PPP2R3A: variants seen among roughly 807,000 people sequenced by gnomAD.
PPP2R3A encodes serine/threonine-protein phosphatase 2A regulatory subunit B'' subunit alpha.
PPP2R3A carries 80 observed loss-of-function variants against 106.9 expected under a neutral mutation model. The ratio of observed to expected loss-of-function variants is 0.75; its 90% CI spans 0.62 to 0.90. The LOEUF (loss-of-function observed/expected upper bound fraction) is 0.90. PPP2R3A is among the 40% of genes least tolerant of loss of function. PPP2R3A has a pLI of 0.00. For missense variants in PPP2R3A, 1,386 were observed against 1,350.4 expected (o/e 1.03, Z -0.41); for synonymous variants, 483 against 468.3 (o/e 1.03, Z -0.41).
At chr3:136,055,776 A>G (rs1037186108) in intron 5 of PPP2R3A, 2 of 611,452 alleles carry the variant, frequency 3.3e-6, no homozygotes, top group Non-Finnish European at 5.9e-6. Flanking sequence ...TTTTTTAAAA[A>G]CAAATTGCAC....
At chr3:136,047,025 A>G (rs1247784115) in intron 4 of PPP2R3A, among the ~76,000 whole-genome samples, 2 of 152,264 alleles carry the variant, frequency 1.3e-5, no homozygotes, top group African/African-American at 4.8e-5. Context: ...CTTTGAATCA[A>G]TGCAGGCAGA....
At chr3:136,106,400 A>C in intron 13 of PPP2R3A, 78 bp downstream of exon 13, 1 of 1,252,506 alleles carries the variant, frequency 8.0e-7, no homozygotes, top group Non-Finnish European at 1.1e-6. Context: ...CCCTTACAAA[A>C]TCCTTTTCTG....
chr3:136,144,906 T>G, intron 13 of PPP2R3A, 137 bp from the exon 14 acceptor site: 3 of 843,472 alleles, frequency 3.6e-6, no homozygotes, highest in South Asian at 3.5e-5. Context: ...TTCACGGCAG[T>G]TGAGTTGCTC....
intron 5 of PPP2R3A, among the ~76,000 whole-genome samples, chr3:136,050,374 C>A (rs1935643334): frequency 6.6e-6 from 1 of 152,136 alleles, no homozygotes; most frequent in Admixed American, 6.5e-5. Context: ...CTTCGTTTAC[C>A]AGGTTGGCGG....
At chr3:135,984,856 A>T (rs915577002) in intron 1 of PPP2R3A, among the ~76,000 whole-genome samples, 2 of 152,086 alleles carry the variant, frequency 1.3e-5, no homozygotes, top group African/African-American at 4.8e-5. Context: ...CCTCACAATC[A>T]TGGCAGAAGG....
intron 1 of PPP2R3A, among the ~76,000 whole-genome samples, chr3:135,984,116 A>G (rs1042064036): frequency 1.3e-5 from 2 of 151,878 alleles, no homozygotes; most frequent in African/African-American, 4.8e-5. Context: ...TCCCCTTCTA[A>G]CTACCCTTCC....
chr3:136,073,132 T>A (rs1936487771), intron 6 of PPP2R3A, among the ~76,000 whole-genome samples: 1 of 152,074 alleles, frequency 6.6e-6, no homozygotes, highest in South Asian at 2.1e-4. Flanking sequence ...CACGCCCGGC[T>A]AATTTTTTGT....
At chr3:136,126,494 C>T (rs1413210412) in intron 13 of PPP2R3A, among the ~76,000 whole-genome samples, 1 of 152,234 alleles carries the variant, frequency 6.6e-6, no homozygotes, top group Non-Finnish European at 1.5e-5. Flanking sequence ...GAGCCCACCA[C>T]AGCTCAACAA....
chr3:136,014,322 A>G (rs1934198715), intron 2 of PPP2R3A, among the ~76,000 whole-genome samples: 1 of 152,038 alleles, frequency 6.6e-6, no homozygotes, highest in Non-Finnish European at 1.5e-5. Context: ...TTCCATATAA[A>G]TTTCAGGATT....
In PPP2R3A at chr3:136,002,315, A is replaced by G. The variant is rs1441430913; in HGVS notation, c.817A>G (p.Ser273Gly). 9 of 1,613,318 alleles carry G rather than the reference A, an allele frequency of 5.6e-6. No individual in the cohort carries two copies. Among genetic ancestry groups the G allele is most frequent in the Non-Finnish European group, 5.9e-6 (7 of 1,179,406 alleles). The change falls in exon 2 of 14, where the codon AGC becomes GGC. Residue 273 changes from serine (S) to glycine (G), a missense_variant. Physicochemically the swap from Ser to Gly is moderately conservative, Grantham distance 56. Transcript: ENST00000264977. ...SEGSGNDTIS[S>G]SETVYMNVMT... is the part of the protein sequence containing the mutation. ...AGGAAGTGGTAATGATACAATTTCT[A>G]GCTCTGAAACTGTCTATATGAATGT...
At chr3:136,103,543 T>G (rs1459063874) in intron 12 of PPP2R3A, among the ~76,000 whole-genome samples, 167 bp downstream of exon 12, 1 of 152,130 alleles carries the variant, frequency 6.6e-6, no homozygotes, top group African/African-American at 2.4e-5. Flanking sequence ...AGCACATGTC[T>G]CTCCACAGCC....
At chr3:136,106,686 C>T (rs1007668415) in intron 13 of PPP2R3A, 1 of 196,398 alleles carries the variant, frequency 5.1e-6, no homozygotes, top group Non-Finnish European at 1.0e-5. Flanking sequence ...CTTTGGGAGG[C>T]CGAGGCGGGT....
In PPP2R3A at chr3:136,118,931, G is replaced by T. The variant is rs138259551; in HGVS notation, c.3329+12609G>T. ...TTGCCAAGCCAATCCTAAGCAAAAA[G>T]AACAAAGCAGGAGGCATCATGCTAC... is the stretch of plus-strand genomic sequence containing the variant. On this transcript the variant is annotated intron_variant, in intron 13 of 13. Transcript: ENST00000264977. Among the ~76,000 whole-genome samples, 531 of 152,186 alleles carry T rather than the reference G, an allele frequency of 3.5e-3. 7 individuals are homozygous for T. In the East Asian group the frequency reaches 0.047, roughly 14 times the overall value.
At chr3:136,013,560 G>C (rs930405808) in intron 2 of PPP2R3A, among the ~76,000 whole-genome samples, 2 of 152,028 alleles carry the variant, frequency 1.3e-5, no homozygotes, top group African/African-American at 4.8e-5. Context: ...CAGGAGTAAG[G>C]TGGTATCGCA....
intron 2 of PPP2R3A, among the ~76,000 whole-genome samples, chr3:136,013,290 A>G (rs186541923): frequency 2.0e-5 from 3 of 151,956 alleles, no homozygotes; most frequent in South Asian, 4.1e-4. Flanking sequence ...TAGTTTTGCA[A>G]TTGCAAATTG....
chr3:136,039,242 G>A (rs564530129), intron 3 of PPP2R3A, among the ~76,000 whole-genome samples: 120 of 152,260 alleles, frequency 7.9e-4, no homozygotes, highest in South Asian at 1.9e-3. Context: ...TGATGAGGGC[G>A]CAACAGATCC....
At chr3:136,020,234 G>A (rs1438592441) in intron 2 of PPP2R3A, among the ~76,000 whole-genome samples, 1 of 152,090 alleles carries the variant, frequency 6.6e-6, no homozygotes, top group African/African-American at 2.4e-5. Flanking sequence ...GAGTTTGATA[G>A]TAGGGAATCA....
intron 1 of PPP2R3A, among the ~76,000 whole-genome samples, chr3:135,983,999 A>G (rs566651549): frequency 1.3e-5 from 2 of 152,234 alleles, no homozygotes; most frequent in Non-Finnish European, 2.9e-5. Flanking sequence ...TTAGTTTTCA[A>G]ACTTTTTGAA....
At chr3:136,133,890 C>CAAA (rs34515503) in intron 13 of PPP2R3A, among the ~76,000 whole-genome samples, 2 of 55,446 alleles carry the variant, frequency 3.6e-5, no homozygotes, top group African/African-American at 5.6e-5. Flanking sequence ...AACTCCATCT[C>CAAA]AAAAAAAAAA....
Sources: gnomAD v4.1 joint callset for allele counts (sites outside exome capture counted in the v4.1 genomes callset) on GRCh38, gnomAD v4.1.1 for gene constraint, MANE v1.5 for transcripts, NCBI Gene and HGNC (gene_info 2026-07-23, HGNC 2026-07-21) for gene names.